The following ERBB4 variants were observed in gnomAD, a reference collection of about 807,000 sequenced individuals.
The protein encoded by ERBB4 is receptor tyrosine-protein kinase erbB-4.
A neutral mutation model predicts 158.0 loss-of-function variants in ERBB4; 42 were observed. The ratio of observed to expected loss-of-function variants is 0.27; its 90% CI spans 0.21 to 0.34. ERBB4 has a LOEUF of 0.34. Among genes scored for constraint, ERBB4 ranks in the 10% least tolerant of loss-of-function variants. ERBB4 has a pLI of 1.00. For missense variants in ERBB4, 1,333 were observed against 1,624.1 expected (o/e 0.82, Z 3.08); for synonymous variants, 583 against 558.7 (o/e 1.04, Z -0.61).
chr2:212,306,163 T>C (rs2086802195), intron 1 of ERBB4, among the ~76,000 whole-genome samples: 1 of 151,428 alleles, frequency 6.6e-6, no homozygotes, highest in Non-Finnish European at 1.5e-5. Flanking sequence ...ATAGTAGTAT[T>C]CTGCTTTTAT....
intron 19 of ERBB4, among the ~76,000 whole-genome samples, chr2:211,563,429 C>T (rs1355672555): frequency 6.6e-6 from 1 of 152,150 alleles, no homozygotes; most frequent in Non-Finnish European, 1.5e-5. Flanking sequence ...GTAGGACATT[C>T]TGCAAAGAAA....
chr2:212,174,096 T>G (rs1382058360), intron 1 of ERBB4, among the ~76,000 whole-genome samples: 1 of 152,048 alleles, frequency 6.6e-6, no homozygotes, highest in African/African-American at 2.4e-5. Flanking sequence ...AAACTGCAGG[T>G]ACATATAAAA....
At chr2:212,051,600 T>C (rs1021543945) in intron 2 of ERBB4, among the ~76,000 whole-genome samples, 1 of 152,160 alleles carries the variant, frequency 6.6e-6, no homozygotes, top group African/African-American at 2.4e-5. Context: ...TCAGTAATCA[T>C]GGAAGCACAG....
chr2:212,411,348 A>T (rs2091493259), intron 1 of ERBB4, among the ~76,000 whole-genome samples: 1 of 152,164 alleles, frequency 6.6e-6, no homozygotes, highest in African/African-American at 2.4e-5. Context: ...ACCTCCTATA[A>T]GTTTTAGAAA....
At chr2:211,662,972 G>A (rs1251589806) in intron 15 of ERBB4, among the ~76,000 whole-genome samples, 6 of 152,102 alleles carry the variant, frequency 3.9e-5, no homozygotes, top group African/African-American at 9.7e-5. Context: ...CTGATAGGTC[G>A]ATTATTACAT....
At chr2:211,661,902 A>C (rs1026103019) in intron 15 of ERBB4, among the ~76,000 whole-genome samples, 1 of 147,634 alleles carries the variant, frequency 6.8e-6, no homozygotes, top group Non-Finnish European at 1.5e-5. Context: ...AGCCGGGCGT[A>C]GTGGCGGGCG....
chr2:211,566,711 A>T (rs772183995), intron 19 of ERBB4, among the ~76,000 whole-genome samples: 35 of 152,304 alleles, frequency 2.3e-4, no homozygotes, highest in Admixed American at 7.2e-4. Flanking sequence ...CATACCGACA[A>T]ATCAGCAAAA....
chr2:212,528,477 T>G (rs2106334848), intron 1 of ERBB4, among the ~76,000 whole-genome samples: 1 of 152,280 alleles, frequency 6.6e-6, no homozygotes, highest in Non-Finnish European at 1.5e-5. Flanking sequence ...TCAAACTTTC[T>G]TCTCATGGAT....
intron 3 of ERBB4, among the ~76,000 whole-genome samples, chr2:211,841,282 G>T (rs2077463972): frequency 6.6e-6 from 1 of 152,088 alleles, no homozygotes; most frequent in South Asian, 2.1e-4. Context: ...GAGTAATTGT[G>T]GTGACTATTG....
chr2:212,048,110 T>C (rs771116637), intron 2 of ERBB4, among the ~76,000 whole-genome samples: 13 of 152,124 alleles, frequency 8.5e-5, no homozygotes, highest in African/African-American at 3.1e-4. Flanking sequence ...AAAATAGCTA[T>C]GACAAAGGCC....
At chr2:212,010,564 G>A (rs1053451856) in intron 2 of ERBB4, among the ~76,000 whole-genome samples, 1 of 152,020 alleles carries the variant, frequency 6.6e-6, no homozygotes, top group African/African-American at 2.4e-5. Flanking sequence ...TACTGATACG[G>A]GTCCAACAAA....
At chr2:212,082,800 A>C (rs958742504) in intron 2 of ERBB4, among the ~76,000 whole-genome samples, 14 of 152,078 alleles carry the variant, frequency 9.2e-5, no homozygotes, top group Admixed American at 2.0e-4. Flanking sequence ...CATTACATGC[A>C]TGCATGCATT....
chr2:211,946,073 T>TA (rs143202889), intron 3 of ERBB4, among the ~76,000 whole-genome samples: 13,742 of 151,926 alleles, frequency 0.09, 1,006 homozygotes, highest in South Asian at 0.29. Context: ...AGCAATTTAG[T>TA]AAAAAAACTC....
At chr2:212,110,928 T>G (rs1231804721) in intron 2 of ERBB4, among the ~76,000 whole-genome samples, 1 of 152,202 alleles carries the variant, frequency 6.6e-6, no homozygotes, top group Non-Finnish European at 1.5e-5. Flanking sequence ...CTGATAAATG[T>G]TTTATTAACA....
In ERBB4 at chr2:212,367,138, G is replaced by A. The variant is rs2089918861; in HGVS notation, c.82+171311C>T. On this transcript the variant is annotated intron_variant, in intron 1 of 27. Transcript: ENST00000342788. ...AGAAGAGATCATGTGTGGACACAGT[G>A]TAAAGACAGCCATCTACAAGTCAAA... Among the ~76,000 whole-genome samples the A allele has an allele frequency of 1.3e-5, 2 of 151,980 alleles. 1 individual carries two copies. The highest frequency in any genetic ancestry group is 1.3e-4 in the Admixed American group (2 of 15,218).
chr2:212,374,001 T>TATATATCC (rs2090218568), intron 1 of ERBB4, among the ~76,000 whole-genome samples: 2 of 135,780 alleles, frequency 1.5e-5, no homozygotes, highest in African/African-American at 5.2e-5. Context: ...TATATCCATA[T>TATATATCC]ATATATATCC....
At chr2:211,598,613 C>CA (rs1351655100) in intron 19 of ERBB4, among the ~76,000 whole-genome samples, 5 of 152,154 alleles carry the variant, frequency 3.3e-5, no homozygotes, top group South Asian at 2.1e-4. Context: ...AAGGCCTTGG[C>CA]AAAAAATCAA....
At chr2:211,422,851 A>G (rs2063542615) in intron 23 of ERBB4, among the ~76,000 whole-genome samples, 2 of 151,914 alleles carry the variant, frequency 1.3e-5, no homozygotes, top group South Asian at 2.1e-4. Context: ...ATCATTTCCT[A>G]TGCTAGTTAC....
At chr2:212,286,588 T>G in intron 1 of ERBB4, among the ~76,000 whole-genome samples, 2 of 137,332 alleles carry the variant, frequency 1.5e-5, no homozygotes, top group East Asian at 2.1e-4. Flanking sequence ...ATTACATAAG[T>G]GCTGACTTTT....
Sources: gnomAD v4.1 joint callset for allele counts (sites outside exome capture counted in the v4.1 genomes callset) on GRCh38, gnomAD v4.1.1 for gene constraint, MANE v1.5 for transcripts, NCBI Gene and HGNC (gene_info 2026-07-23, HGNC 2026-07-21) for gene names.